NEB: variants seen among roughly 807,000 people sequenced by gnomAD.
NEB encodes nebulin.
Under a neutral mutation model 952.2 loss-of-function variants are expected in NEB, and 512 were observed. The ratio of observed to expected loss-of-function variants is 0.54; its 90% CI spans 0.50 to 0.58. The LOEUF is 0.58. Among genes scored for constraint, NEB ranks in the 20% least tolerant of loss-of-function variants. NEB has a pLI of 0.00. For synonymous variants in NEB, 2,900 were observed against 3,149.8 expected, an observed-to-expected ratio of 0.92 and a Z score of 2.66; for missense variants, 8,428 against 9,231.1, an observed-to-expected ratio of 0.91 and a Z score of 3.56.
rs201423455 is a variant in NEB, at chr2:151,576,398, G to A, written c.16705-44C>T. On this transcript the variant is annotated intron_variant, in intron 105 of 181. Transcript: ENST00000397345. Reference sequence around the variant, plus strand: ...GTAGAAGCAGGGTTTGTGTTTTGTTGTGTATGTGTGTGGTAAAATAAGGAC... The same window carrying A: ...GTAGAAGCAGGGTTTGTGTTTTGTTATGTATGTGTGTGGTAAAATAAGGAC... The A allele has an allele frequency of 7.8e-4, 1,097 of 1,413,700 alleles. 5 individuals carry two copies. The African/African-American group carries it at 0.014, about 19-fold the overall frequency. The allele number at this position is 1,413,700 out of a possible 1,614,324, so 87.6% of individuals were successfully genotyped here. A position where few individuals can be genotyped will look rare whatever the true frequency, so the allele number is the denominator to read the frequency against.
chr2:151,695,748 T>TAC, intron 17 of NEB, 66 bp from the exon 18 acceptor site: 5 of 1,236,758 alleles, frequency 4.0e-6, no homozygotes, highest in Non-Finnish European at 5.8e-6. Flanking sequence ...TCTTGTGTGG[T>TAC]ACATTTTGTA....
At chr2:151,573,712 G>T (rs982555442) in intron 107 of NEB, among the ~76,000 whole-genome samples, 4 of 152,112 alleles carry the variant, frequency 2.6e-5, no homozygotes, top group Non-Finnish European at 5.9e-5. Context: ...TTGGCAAATT[G>T]CACTAAGGTA....
Position 151,644,451 on chromosome 2 carries a change from A to G in NEB, c.7644+17T>C, listed in dbSNP as rs371549127. The G allele has an allele frequency of 2.5e-6, 4 of 1,587,406 alleles. No homozygotes were observed. The highest frequency in any genetic ancestry group is 1.3e-5 in the African/African-American group (1 of 74,310). ...AAATTGCAATCAAATCAATATCAAC[A>G]GAGGATAAAATCTTACTTCACTGGC... On this transcript the variant is annotated intron_variant, in intron 56 of 181. Transcript: ENST00000397345.
rs765962317 is a variant in NEB at position 151,665,366 on chromosome 2, T to C, written c.5205A>G (p.Ala1735=). Residue 1735 remains alanine, a synonymous_variant, in exon 42 of 182, where the codon GCA becomes GCG. Coordinates refer to ENST00000397345, the MANE Select transcript of NEB (RefSeq NM_001164508.2). The stretch of plus-strand genomic sequence containing the variant: ...TGTTCAGTTTGTTACTCTTGTTAAG[T>C]GCCTGTTCCATTGTGTCCATGGCGT... The part of the protein sequence containing the change: ...FTYAMDTMEQ[A]LNKSNKLNMD... The C allele has an allele frequency of 9.3e-6, 15 of 1,613,632 alleles. No homozygotes were observed. In the South Asian group the frequency reaches 1.5e-4, roughly 17 times the overall value.
intron 151 of NEB, 119 bp downstream of exon 151, chr2:151,525,044 A>G: frequency 1.3e-6 from 1 of 790,086 alleles, no homozygotes; most frequent in South Asian, 1.6e-5. Flanking sequence ...TCTCGCCACT[A>G]ACTTTTTGAA....
intron 35 of NEB, 60 bp downstream of exon 35, chr2:151,675,227 T>C (rs2099350253): frequency 1.7e-6 from 2 of 1,205,110 alleles, no homozygotes; most frequent in Non-Finnish European, 2.4e-6. Context: ...ATCCTACTCT[T>C]AAAGTCTATA....
At chr2:151,607,314 T>C (rs564409665) in intron 83 of NEB, among the ~76,000 whole-genome samples, 190 bp downstream of exon 83, 1 of 103,410 alleles carries the variant, frequency 9.7e-6, no homozygotes, top group African/African-American at 2.6e-5. Flanking sequence ...CACCCACCGA[T>C]GTATCCAAGC....
Position 151,526,169 on chromosome 2 carries a change from G to A in NEB, c.22039C>T (p.Leu7347=), listed in dbSNP as rs2085711900. Residue 7347 remains leucine (L), a synonymous_variant, in exon 149 of 182, where the codon CTG becomes TTG. Coordinates refer to ENST00000397345, the MANE Select transcript of NEB (RefSeq NM_001164508.2). ...QILLAKTVSN[L]VSENKYKDHV... ...CGGCTGGGGGTTACCTCAGACACCA[G>A]GTTGCTGACAGTCTTCGCCAGCAGG... is the stretch of plus-strand genomic sequence containing the variant. 3 of 1,613,910 alleles carry A rather than the reference G, an allele frequency of 1.9e-6. No individual in the cohort carries two copies. The highest frequency in any genetic ancestry group is 2.2e-5 in the East Asian group (1 of 44,870).
chr2:151,609,878 A>C lies in NEB; in HGVS notation c.12261T>G (p.His4087Gln). The change falls in exon 81 of 182, where the codon CAT becomes CAG. Residue 4087 changes from histidine to glutamine, a missense_variant. His to Gln is a conservative substitution (Grantham distance 24). Coordinates refer to ENST00000397345, the MANE Select transcript of NEB (RefSeq NM_001164508.2). ...VTDIDYRNYL[H>Q]EWTCMPDQND... ...TTTGATCCGGCATGCATGTCCATTC[A>C]TGCAGGTAATTGCGATAATCAATGT... is the stretch of plus-strand genomic sequence containing the variant. 1 of 1,612,934 alleles carries C rather than the reference A, an allele frequency of 6.2e-7. No individual in the cohort carries two copies. Among genetic ancestry groups the C allele is most frequent in the Non-Finnish European group, 8.5e-7 (1 of 1,179,008 alleles).
chr2:151,666,938 A>G (rs887947567), intron 40 of NEB, among the ~76,000 whole-genome samples: 7 of 152,126 alleles, frequency 4.6e-5, no homozygotes, highest in African/African-American at 7.2e-5. Context: ...AGTAAATTTC[A>G]GCCCTAATAC....
chr2:151,507,466 A>G (rs1315954507), intron 162 of NEB, among the ~76,000 whole-genome samples: 1 of 152,198 alleles, frequency 6.6e-6, no homozygotes, highest in African/African-American at 2.4e-5. Flanking sequence ...AAAGCAGGCA[A>G]TAAGCCTCTC....
intron 42 of NEB, 146 bp from the exon 43 acceptor site, chr2:151,665,009 A>G (rs765807507): frequency 2.9e-6 from 2 of 694,156 alleles, no homozygotes; most frequent in Non-Finnish European, 2.4e-6. Flanking sequence ...TGGGCCAAGT[A>G]AACTAAATAC....
intron 153 of NEB, among the ~76,000 whole-genome samples, chr2:151,521,994 A>G (rs2082268888): frequency 6.6e-6 from 1 of 152,186 alleles, no homozygotes; most frequent in African/African-American, 2.4e-5. Context: ...TACACTTGGC[A>G]TTAGGGAATG....
chr2:151,535,910 T>C lies in NEB; in HGVS notation c.21208-115A>G, dbSNP rs979415532. 10 of 622,278 alleles carry C rather than the reference T, an allele frequency of 1.6e-5. No individual in the cohort carries two copies. The East Asian group carries it at 2.8e-4, about 17-fold the overall frequency. 38.5% of individuals were successfully genotyped at this position (622,278 alleles called of 1,614,324 possible). A position where few individuals can be genotyped will look rare whatever the true frequency, so the allele number is the denominator to read the frequency against. ...AATTAATTCATAGAACTAACACATA[T>C]TCGTTTGTTTGTTTTGAGACAGGGT... On this transcript the variant is annotated intron_variant, in intron 141 of 181. Coordinates refer to ENST00000397345, the MANE Select transcript of NEB (RefSeq NM_001164508.2).
At chr2:151,648,592 G>C (rs569156383) in intron 54 of NEB, among the ~76,000 whole-genome samples, 1 of 152,300 alleles carries the variant, frequency 6.6e-6, no homozygotes, top group South Asian at 2.1e-4. Context: ...GCTAACCACT[G>C]ATATTGTGTA....
intron 77 of NEB, 82 bp downstream of exon 77, chr2:151,614,194 C>T: frequency 6.6e-7 from 1 of 1,506,588 alleles, no homozygotes; most frequent in South Asian, 1.3e-5. Flanking sequence ...GTAGGTTTCA[C>T]CAGACTGTGG....
intron 28 of NEB, among the ~76,000 whole-genome samples, chr2:151,683,009 GGT>G (rs1240929901): frequency 6.6e-6 from 1 of 152,092 alleles, no homozygotes; most frequent in Non-Finnish European, 1.5e-5. Context: ...GGAAGTCTGT[GGT>G]ACTCTAATTC....
At position 151,651,672 on chromosome 2, in the gene NEB, T is replaced by G. The variant is rs1339128190; in HGVS notation, c.6916-787A>C. Among the ~76,000 whole-genome samples the G allele has an allele frequency of 2.6e-5, 4 of 152,192 alleles. No individual in the cohort carries two copies. The East Asian group carries it at 7.7e-4, about 29-fold the overall frequency. On this transcript the variant is annotated intron_variant, in intron 52 of 181. Transcript: ENST00000397345. The stretch of plus-strand genomic sequence containing the variant: ...TAGATTCAATTAAGAAAAATCACAT[T>G]AGTACTAGATGACAATAACAACAGT...
At chr2:151,545,843 A>T in intron 135 of NEB, 45 bp downstream of exon 135, 1 of 1,210,412 alleles carries the variant, frequency 8.3e-7, no homozygotes, top group Non-Finnish European at 1.2e-6. Context: ...TTCAGTTTGT[A>T]CTGGTCAATT....
Sources: gnomAD v4.1 joint callset for allele counts (sites outside exome capture counted in the v4.1 genomes callset) on GRCh38, gnomAD v4.1.1 for gene constraint, MANE v1.5 for transcripts, NCBI Gene and HGNC (gene_info 2026-07-23, HGNC 2026-07-21) for gene names.